The following INTS1 variants were observed in gnomAD, a reference collection of about 807,000 sequenced individuals.
INTS1 encodes the protein integrator complex subunit 1.
A neutral mutation model predicts 241.6 loss-of-function variants in INTS1; 137 were observed. That is an observed-to-expected ratio of 0.57 (90% CI 0.49 to 0.65). INTS1 has a LOEUF of 0.65. Among genes scored for constraint, INTS1 ranks in the 30% least tolerant of loss-of-function variants. INTS1 has a pLI of 0.00. For missense variants in INTS1, 3,073 were observed against 3,032.2 expected (o/e 1.01, Z -0.32); for synonymous variants, 1,692 against 1,337.8 (o/e 1.26, Z -5.78).
In INTS1 at chr7:1,499,083, G is replaced by A. The variant is rs751921366; in HGVS notation, c.1029C>T (p.Ile343=). The A allele has an allele frequency of 3.4e-5, 55 of 1,609,480 alleles. No homozygotes were observed. Among genetic ancestry groups the A allele is most frequent in the Admixed American group, 6.7e-5 (4 of 59,756 alleles). The change falls in exon 8 of 48, where the codon ATC becomes ATT. Residue 343 remains isoleucine (I), a synonymous_variant. Transcript: ENST00000404767. ...LRDQLNRRQP[I]DNVSRNLLRL... ...GCAGGAGGTTCCTGGAGACGTTGTCGATGGGCTGGCGCCGGTTCAGCTGGT... is the reference window on the plus strand; with the variant it reads ...GCAGGAGGTTCCTGGAGACGTTGTCAATGGGCTGGCGCCGGTTCAGCTGGT...
At chr7:1,479,733 G>T (rs746534405) in intron 30 of INTS1, 49 bp from the exon 31 acceptor site, 1 of 1,433,396 alleles carries the variant, frequency 7.0e-7, no homozygotes. Context: ...AGAAGGAGGA[G>T]GAGCGCAGCG....
Position 1,481,500 on chromosome 7 carries a change from C to G in INTS1, c.3704-12G>C. 3 of 1,599,570 alleles carry G rather than the reference C, an allele frequency of 1.9e-6. No homozygotes were observed. The highest frequency in any genetic ancestry group is 2.6e-6 in the Non-Finnish European group (3 of 1,173,046). On this transcript the variant is annotated splice_polypyrimidine_tract_variant and intron_variant, in intron 27 of 47. Coordinates refer to ENST00000404767, the MANE Select transcript of INTS1 (RefSeq NM_001080453.3). The surrounding 1 kb of genome is among the most constrained non-coding windows in gnomAD (Gnocchi z 6.8). Reference sequence around the variant, plus strand: ...CAGGTCCTGCAGGGCTGAGGGTGCACGCGCTCCGTAACGCCACCCAAAACC... The same window carrying G: ...CAGGTCCTGCAGGGCTGAGGGTGCAGGCGCTCCGTAACGCCACCCAAAACC...
At chr7:1,471,340 C>A in intron 45 of INTS1, 116 bp from the exon 46 acceptor site, 2 of 1,151,956 alleles carry the variant, frequency 1.7e-6, no homozygotes, top group Non-Finnish European at 2.5e-6. Flanking sequence ...AGGCCCCTAT[C>A]CAGAAGGCAG....
rs747481405 is a variant in INTS1 at position 1,476,365 on chromosome 7, G to C, written c.5242C>G (p.Gln1748Glu). ...CTGCAGGCGGCTGTGTCCCCGTCCT[G>C]GCTCCGCGTCTCCGCCTCGGCCAGG... ...LILAEAETRS[Q>E]DGDTAACSLI... Residue 1748 changes from glutamine (Q) to glutamate (E), a missense_variant, in exon 38 of 48, where the codon CAG becomes GAG. Physicochemically the swap from Gln to Glu is conservative, Grantham distance 29 (BLOSUM62 2). Transcript: ENST00000404767. 4 of 1,576,564 alleles carry C rather than the reference G, an allele frequency of 2.5e-6. No homozygotes were observed. The highest frequency in any genetic ancestry group is 1.2e-5 in the South Asian group (1 of 86,532).
chr7:1,488,966 G>A (rs868025636), intron 18 of INTS1, among the ~76,000 whole-genome samples: 3 of 152,152 alleles, frequency 2.0e-5, no homozygotes, highest in Non-Finnish European at 4.4e-5. Context: ...GGCCCACTGG[G>A]CCTGGCTCCA....
chr7:1,474,945 A>T lies in INTS1; in HGVS notation c.5503-107T>A, dbSNP rs1233212734. 4 of 1,420,630 alleles carry T rather than the reference A, an allele frequency of 2.8e-6. No individual in the cohort carries two copies. The African/African-American group carries it at 5.7e-5, about 20-fold the overall frequency. 88.0% of individuals were successfully genotyped at this position (1,420,630 alleles called of 1,614,324 possible). On this transcript the variant is annotated intron_variant, in intron 39 of 47. Coordinates refer to ENST00000404767, the MANE Select transcript of INTS1 (RefSeq NM_001080453.3). ...GCCGTGATCCACCGCGTGGCACGCC[A>T]TGAGCAGAGGAACTGGCTCCTTACG...
chr7:1,503,692 G>A (rs1783314860), intron 2 of INTS1, among the ~76,000 whole-genome samples: 1 of 152,170 alleles, frequency 6.6e-6, no homozygotes, highest in African/African-American at 2.4e-5. Flanking sequence ...AGATCACCGG[G>A]GTCCCGAAGG....
intron 1 of INTS1, 30 bp downstream of exon 1, chr7:1,504,293 G>A (rs976814159): frequency 5.4e-6 from 3 of 554,478 alleles, no homozygotes; most frequent in Admixed American, 4.6e-5. Context: ...GCCCGGCAAT[G>A]AGGAAGCGCC....
intron 10 of INTS1, among the ~76,000 whole-genome samples, chr7:1,498,121 G>A (rs1451402103): frequency 6.6e-6 from 1 of 152,204 alleles, no homozygotes; most frequent in Non-Finnish European, 1.5e-5. Context: ...GAAGGCAACA[G>A]GTCTGGGTCT....
intron 8 of INTS1, 32 bp downstream of exon 8, chr7:1,498,943 G>GGGGGGCC: frequency 1.9e-6 from 2 of 1,070,744 alleles, no homozygotes; most frequent in Non-Finnish European, 2.5e-6. Flanking sequence ...CCCACCCCCT[G>GGGGGGCC]CCCCGCCCAC....
chr7:1,504,093 A>G (rs1171525447), intron 1 of INTS1, 92 bp from the exon 2 acceptor site: 3 of 688,976 alleles, frequency 4.4e-6, no homozygotes, highest in Non-Finnish European at 7.0e-6. Context: ...TGGGCCTGGG[A>G]CCCGGGGACA....
chr7:1,478,344 G>C (rs376788055), intron 33 of INTS1, 22 bp downstream of exon 33: 5 of 1,609,108 alleles, frequency 3.1e-6, no homozygotes, highest in Non-Finnish European at 4.2e-6. Context: ...CGTGGCCCAA[G>C]AGGATGGTGC....
rs372131577 is a variant in INTS1, at chr7:1,499,270, C to T, written c.935G>A (p.Gly312Asp). 1.2e-6 allele frequency: 2 copies of T among 1,609,640 alleles called. No individual in the cohort carries two copies. Among genetic ancestry groups the T allele is most frequent in the African/African-American group, 1.3e-5 (1 of 74,884 alleles). Residue 312 changes from glycine to aspartate, a missense_variant, in exon 7 of 48, where the codon GGC becomes GAC. Physicochemically the swap from Gly to Asp is moderately conservative, Grantham distance 94. Coordinates refer to ENST00000404767, the MANE Select transcript of INTS1 (RefSeq NM_001080453.3). The part of the protein sequence containing the change: ...AEEKLSPEQE[G>D]QLMPRYEELA... ...ACGCAGCTACCTGGGCATGAGCTGGCCCTCCTGCTCGGGGCTCAGCTTCTC... is the reference window on the plus strand; with the variant it reads ...ACGCAGCTACCTGGGCATGAGCTGGTCCTCCTGCTCGGGGCTCAGCTTCTC...
chr7:1,476,804 G>T lies in INTS1; in HGVS notation c.5053C>A (p.Arg1685=). The part of the protein sequence containing the change: ...QCIRVLLGKS[R]EQRFDPSASL... ...CAGGGAGGCGCCCACCTCTGTTCCC[G>T]GCTCTTGCCCAGCAGGACTCGGATG... Residue 1685 remains arginine (R), a synonymous_variant, in exon 36 of 48, where the codon CGG becomes AGG. Coordinates refer to ENST00000404767, the MANE Select transcript of INTS1 (RefSeq NM_001080453.3). 3.1e-6 allele frequency: 5 copies of T among 1,612,876 alleles called. No homozygotes were observed. The highest frequency in any genetic ancestry group is 3.4e-6 in the Non-Finnish European group (4 of 1,179,868).
In INTS1 at chr7:1,479,621, G is replaced by C; in HGVS notation, c.4138C>G (p.Leu1380Val). 1 of 1,525,158 alleles carries C rather than the reference G, an allele frequency of 6.6e-7. No individual in the cohort carries two copies. The highest frequency in any genetic ancestry group is 1.4e-5 in the African/African-American group (1 of 72,544). The allele number at this position is 1,525,158 out of a possible 1,614,324, so 94.5% of individuals were successfully genotyped here. Residue 1380 changes from leucine (L) to valine (V), a missense_variant, in exon 31 of 48, where the codon CTG (leucine) becomes GTG (valine). Transcript: ENST00000404767. ...SSSPRPVALA[L>V]QQALGQELAR... Reference sequence around the variant, plus strand: ...AGCTCCTGGCCCAGGGCCTGCTGCAGGGCGAGGGCCACGGGGCGGGGACTG... The same window carrying C: ...AGCTCCTGGCCCAGGGCCTGCTGCACGGCGAGGGCCACGGGGCGGGGACTG...
At position 1,484,052 on chromosome 7, in the gene INTS1, T is replaced by C. The variant is rs1562498499; in HGVS notation, c.3380A>G (p.Tyr1127Cys). 1.9e-6 allele frequency: 3 copies of C among 1,612,224 alleles called. No individual in the cohort carries two copies. In the East Asian group the frequency reaches 6.7e-5, roughly 36 times the overall value. The change falls in exon 25 of 48, where the codon TAC becomes TGC. Residue 1127 changes from tyrosine to cysteine, a missense_variant. By Grantham distance (194) the Tyr-to-Cys change is radical. Transcript: ENST00000404767. ...CTTGCTCTGCCGCATGCGCCTCACGTAGCGTGAGAAGATGGACAACAGAGC... is the reference window on the plus strand; with the variant it reads ...CTTGCTCTGCCGCATGCGCCTCACGCAGCGTGAGAAGATGGACAACAGAGC... ...LSALLSIFSR[Y>C]VRRMRQSKEG...
rs538867237 is a variant in INTS1 at position 1,473,828 on chromosome 7, G to A, written c.5830-135C>T. 181 of 1,135,028 alleles carry A rather than the reference G, an allele frequency of 1.6e-4. 1 individual carries two copies. The South Asian group carries it at 1.9e-3, about 12-fold the overall frequency. The allele number at this position is 1,135,028 out of a possible 1,614,324, so 70.3% of individuals were successfully genotyped here. On this transcript the variant is annotated intron_variant, in intron 41 of 47. Transcript: ENST00000404767. ...AGCCCCCTCTGCCAACCACTGGGGC[G>A]TCACAGGCCCAAGGGTGGCCGGCAT...
intron 19 of INTS1, 152 bp from the exon 20 acceptor site, chr7:1,487,601 A>G (rs1782334481): frequency 7.8e-7 from 1 of 1,282,150 alleles, no homozygotes; most frequent in African/African-American, 1.5e-5. Context: ...CTGGCCCCAC[A>G]GCAGTAAGCC....
chr7:1,487,741 G>C lies in INTS1; in HGVS notation c.2516+19C>G, dbSNP rs1295417388. On this transcript the variant is annotated intron_variant, in intron 19 of 47. Coordinates refer to ENST00000404767, the MANE Select transcript of INTS1 (RefSeq NM_001080453.3). ...GGTCCCGACGGCAGGCGCAGGGCGG[G>C]GCTGTGTGGGCTGCGTACTGGGGGT... 1 of 1,604,320 alleles carries C rather than the reference G, an allele frequency of 6.2e-7. No homozygotes were observed. The highest frequency in any genetic ancestry group is 1.3e-5 in the African/African-American group (1 of 74,908).
Sources: gnomAD v4.1 joint callset for allele counts (sites outside exome capture counted in the v4.1 genomes callset) on GRCh38, gnomAD v4.1.1 for gene constraint, Gnocchi (gnomAD v3.1) non-coding constraint, MANE v1.5 for transcripts, NCBI Gene and HGNC (gene_info 2026-07-23, HGNC 2026-07-21) for gene names.